Variants in MVB12B observed in about 807,000 individuals in gnomAD.
MVB12B encodes the protein ESCRT-I complex subunit MVB12B.
Under a neutral mutation model 41.6 loss-of-function variants are expected in MVB12B, and 16 were observed. The observed-to-expected ratio is 0.38, with a 90% CI of 0.26 to 0.58. The LOEUF (loss-of-function observed/expected upper bound fraction) is 0.58, where lower values mean the gene tolerates loss of function less well. MVB12B is among the 20% of genes least tolerant of loss of function. The pLI is 0.62. For synonymous variants in MVB12B, 133 were observed against 139.7 expected, an observed-to-expected ratio of 0.95 and a Z score of 0.34; for missense variants, 274 against 380.2, an observed-to-expected ratio of 0.72 and a Z score of 2.32.
At position 126,474,664 on chromosome 9, in the gene MVB12B, C is replaced by T. The variant is rs145998277; in HGVS notation, c.758-6705C>T. Among the ~76,000 whole-genome samples the T allele has an allele frequency of 2.0e-3, 302 of 152,306 alleles. 3 individuals are homozygous for T. The highest frequency in any genetic ancestry group is 7.1e-3 in the African/African-American group (295 of 41,550). ...ATGTGCAGACATTTGATTATGTTCA[C>T]CTCAAGTCTTCTCTTATCTGAACCG... On this transcript the variant is annotated intron_variant, in intron 7 of 9. Transcript: ENST00000361171.
At chr9:126,360,849 T>C (rs1830011758) in intron 2 of MVB12B, among the ~76,000 whole-genome samples, 1 of 152,238 alleles carries the variant, frequency 6.6e-6, no homozygotes. Context: ...TCCCTGTTAA[T>C]ATTCCTTTCT....
intron 7 of MVB12B, among the ~76,000 whole-genome samples, chr9:126,425,187 C>T (rs1008705868): frequency 1.3e-5 from 2 of 152,240 alleles, no homozygotes; most frequent in African/African-American, 4.8e-5. Context: ...GAGGGAAGAT[C>T]CCTTGAGGCC....
Position 126,379,159 on chromosome 9 carries a change from T to C in MVB12B, c.205-1905T>C, listed in dbSNP as rs549777573. Among the ~76,000 whole-genome samples, 15 of 152,340 alleles carry C rather than the reference T, an allele frequency of 9.8e-5. No homozygotes were observed. The South Asian group carries it at 3.1e-3, about 32-fold the overall frequency. On this transcript the variant is annotated intron_variant, in intron 2 of 9. Transcript: ENST00000361171. ...TTATGCATTTATTATAGAGAGACCA[T>C]GTAGGTTCCCTTATTCCCTTTGTTT...
intron 9 of MVB12B, among the ~76,000 whole-genome samples, chr9:126,496,676 G>A (rs1548787): frequency 0.55 from 83,721 of 151,858 alleles, 24,257 homozygotes; most frequent in African/African-American, 0.74. Flanking sequence ...TGAGGGAGGA[G>A]GAGTGTTCCT....
At position 126,336,752 on chromosome 9, in the gene MVB12B, A is replaced by ATG. The variant is rs1554766419; in HGVS notation, c.82-3756_82-3755insTG. 1.2e-4 allele frequency among the ~76,000 whole-genome samples: 12 copies of ATG among 97,548 alleles called. No homozygotes were observed. The South Asian group carries it at 1.5e-3, about 13-fold the overall frequency. The allele number at this position is 97,548 out of a possible 152,430, so 64.0% of individuals were successfully genotyped here. On this transcript the variant is annotated intron_variant, in intron 1 of 9. Coordinates refer to ENST00000361171, the MANE Select transcript of MVB12B (RefSeq NM_033446.3). ...GGCGCACATACATGTTTGTGTGTGC[A>ATG]CGCACACACACACACACACACACAC...
intron 7 of MVB12B, among the ~76,000 whole-genome samples, chr9:126,432,520 T>A (rs2119117546): frequency 6.6e-6 from 1 of 152,378 alleles, no homozygotes; most frequent in South Asian, 2.1e-4. Flanking sequence ...ATTATTAAAA[T>A]GGATTAAATT....
chr9:126,348,319 C>T (rs1273927059), intron 2 of MVB12B, among the ~76,000 whole-genome samples: 3 of 152,198 alleles, frequency 2.0e-5, no homozygotes, highest in East Asian at 1.9e-4. Context: ...TTTGTCCTGC[C>T]GCACCCTGGC....
chr9:126,329,651 C>G (rs1159583663), intron 1 of MVB12B, among the ~76,000 whole-genome samples: 3 of 152,194 alleles, frequency 2.0e-5, no homozygotes, highest in African/African-American at 7.2e-5. Context: ...GGAAGTGCTC[C>G]ATACTCAAAG....
At chr9:126,396,421 G>A (rs1831114514) in intron 6 of MVB12B, 2 of 985,396 alleles carry the variant, frequency 2.0e-6, no homozygotes, top group Admixed American at 6.1e-5. Context: ...AATAAAACAA[G>A]AACGGTGAGG....
chr9:126,428,952 G>A (rs574374069), intron 7 of MVB12B, among the ~76,000 whole-genome samples: 75 of 152,196 alleles, frequency 4.9e-4, no homozygotes, highest in African/African-American at 1.7e-3. Context: ...GAGGTTCTTC[G>A]CTCCACAGAG....
At chr9:126,379,539 T>G (rs749847575) in intron 2 of MVB12B, among the ~76,000 whole-genome samples, 9 of 152,214 alleles carry the variant, frequency 5.9e-5, no homozygotes, top group Admixed American at 2.6e-4. Flanking sequence ...GTGACATACT[T>G]GGAGCAAACA....
intron 6 of MVB12B, among the ~76,000 whole-genome samples, chr9:126,399,846 G>C (rs150132939): frequency 1.3e-5 from 2 of 152,210 alleles, no homozygotes; most frequent in Admixed American, 1.3e-4. Flanking sequence ...GTGAGCTGAC[G>C]TGCTGAATGA....
rs893359325 is a variant in MVB12B, at chr9:126,478,834, C to A, written c.758-2535C>A. ...ATCACCTTACCACCTTCGTAACACA[C>A]AGGATCCCTAGACATACAGTGACAT... is the stretch of plus-strand genomic sequence containing the variant. On this transcript the variant is annotated intron_variant, in intron 7 of 9. Transcript: ENST00000361171. The surrounding 1 kb of genome is among the most constrained non-coding windows in gnomAD (Gnocchi z 4.2). 1.3e-5 allele frequency among the ~76,000 whole-genome samples: 2 copies of A among 152,184 alleles called. No homozygotes were observed. Among genetic ancestry groups the A allele is most frequent in the African/African-American group, 4.8e-5 (2 of 41,444 alleles).
At chr9:126,359,030 T>TTCA (rs1400814764) in intron 2 of MVB12B, among the ~76,000 whole-genome samples, 1 of 152,170 alleles carries the variant, frequency 6.6e-6, no homozygotes, top group African/African-American at 2.4e-5. Flanking sequence ...TTTATTGAAA[T>TTCA]TATCATATGG....
In MVB12B at chr9:126,340,477, T is replaced by C; in HGVS notation, c.82-31T>C. On this transcript the variant is annotated intron_variant, in intron 1 of 9. Transcript: ENST00000361171. This position sits in a 1 kb window ranked among gnomAD's most constrained non-coding sequence, Gnocchi z 4.0. ...ATTCACATAAATGCTATGTTTGAAT[T>C]TTGTGTTTTCTTTTTCCTTTGCTGA... 6.2e-7 allele frequency: 1 copy of C among 1,611,018 alleles called. No individual in the cohort carries two copies. Among genetic ancestry groups the C allele is most frequent in the Non-Finnish European group, 8.5e-7 (1 of 1,178,418 alleles).
intron 9 of MVB12B, among the ~76,000 whole-genome samples, chr9:126,484,610 A>G (rs1231491448): frequency 2.9e-4 from 1 of 3,422 alleles, no homozygotes; most frequent in Admixed American, 2.5e-3. Context: ...TCATGAGGTC[A>G]GGGTACCTTC....
Position 126,380,148 on chromosome 9 carries a change from C to T in MVB12B, c.205-916C>T, listed in dbSNP as rs529546626. Among the ~76,000 whole-genome samples the T allele has an allele frequency of 6.6e-5, 10 of 152,290 alleles. 1 individual carries two copies. The South Asian group carries it at 2.1e-3, about 32-fold the overall frequency. On this transcript the variant is annotated intron_variant, in intron 2 of 9. Transcript: ENST00000361171. ...GGAAGGTGTGCAAGGTTGATTCATG[C>T]TCTCAGAGGGAGGCTGAGTCAGAAA...
intron 7 of MVB12B, among the ~76,000 whole-genome samples, chr9:126,456,498 A>G (rs1164775630): frequency 6.6e-6 from 1 of 152,186 alleles, no homozygotes; most frequent in African/African-American, 2.4e-5. Flanking sequence ...TTTTTGTAAA[A>G]AAGAATTGAG....
At chr9:126,438,766 C>T (rs949809548) in intron 7 of MVB12B, among the ~76,000 whole-genome samples, 4 of 152,118 alleles carry the variant, frequency 2.6e-5, no homozygotes, top group East Asian at 3.8e-4. Context: ...TTTGGATATG[C>T]GGTATTTTAA....
Sources: allele counts gnomAD v4.1 joint callset (sites outside exome capture counted in the v4.1 genomes callset), GRCh38; gene constraint gnomAD v4.1.1; non-coding constraint Gnocchi (gnomAD v3.1); transcripts MANE v1.5; gene names NCBI Gene and HGNC (gene_info 2026-07-23, HGNC 2026-07-21).